RRM1: variants seen among roughly 807,000 people sequenced by gnomAD.
The protein encoded by RRM1 is ribonucleotide reductase catalytic subunit M1.
Under a neutral mutation model 101.5 loss-of-function variants are expected in RRM1, and 19 were observed. The observed-to-expected ratio is 0.19, with a 90% confidence interval of 0.13 to 0.27. The LOEUF (loss-of-function observed/expected upper bound fraction) is 0.27, where lower values mean the gene tolerates loss of function less well. RRM1 is among the 10% of genes least tolerant of loss of function. The pLI, the probability that RRM1 is intolerant of heterozygous loss-of-function variation, is 1.00. For missense variants in RRM1, 500 were observed against 962.9 expected (o/e 0.52, Z 6.36); for synonymous variants, 298 against 323.4 (o/e 0.92, Z 0.84).
chr11:4,102,432 C>T (rs748044194), intron 2 of RRM1, among the ~76,000 whole-genome samples: 17 of 151,996 alleles, frequency 1.1e-4, no homozygotes, highest in Non-Finnish European at 2.1e-4. Context: ...CTGAGGTGGG[C>T]AGATCACCTG....
At chr11:4,121,406 C>T (rs943084661) in intron 9 of RRM1, among the ~76,000 whole-genome samples, 198 bp from the exon 10 acceptor site, 15 of 152,024 alleles carry the variant, frequency 9.9e-5, no homozygotes, top group African/African-American at 1.7e-4. Context: ...ATCATTCGTT[C>T]GTTTTTACTC....
chr11:4,120,220 C>T (rs1404801430), intron 9 of RRM1, among the ~76,000 whole-genome samples: 1 of 152,154 alleles, frequency 6.6e-6, no homozygotes, highest in East Asian at 1.9e-4. Flanking sequence ...CCCCTGTCAC[C>T]CCTACCCACA....
chr11:4,121,989 C>A, intron 10 of RRM1, 152 bp from the exon 11 acceptor site: 1 of 694,300 alleles, frequency 1.4e-6, no homozygotes, highest in Non-Finnish European at 2.4e-6. Flanking sequence ...ACAGGCAGAC[C>A]TAGATGTTTG....
intron 2 of RRM1, among the ~76,000 whole-genome samples, chr11:4,103,485 A>T (rs768172671): frequency 2.0e-5 from 3 of 152,060 alleles, no homozygotes; most frequent in Non-Finnish European, 4.4e-5. Flanking sequence ...TACATGTTCT[A>T]TTGCCTCATG....
At chr11:4,099,702 T>G (rs2094548562) in intron 1 of RRM1, among the ~76,000 whole-genome samples, 1 of 152,028 alleles carries the variant, frequency 6.6e-6, no homozygotes, top group South Asian at 2.1e-4. Context: ...AAGAGGATAA[T>G]GTAGGCAGTG....
At chr11:4,103,651 G>T (rs1048135551) in intron 2 of RRM1, among the ~76,000 whole-genome samples, 1 of 152,066 alleles carries the variant, frequency 6.6e-6, no homozygotes. Context: ...GACCAGCCTG[G>T]GCAACATGGT....
chr11:4,132,825 G>GT lies in RRM1; in HGVS notation c.1905+410dup, dbSNP rs753112024. Among the ~76,000 whole-genome samples, 3 of 152,152 alleles carry GT rather than the reference G, an allele frequency of 2.0e-5. No homozygotes were observed. The highest frequency in any genetic ancestry group is 1.9e-4 in the East Asian group (1 of 5,204). On this transcript the variant is annotated intron_variant, in intron 16 of 18. Transcript: ENST00000300738. This position sits in a 1 kb window ranked among gnomAD's most constrained non-coding sequence, Gnocchi z 4.1. ...GAATTTATGGTGGGTGAGACCAGTGGTTTTTTCTTTGTTTTTAAGGTTCCC... is the reference window on the plus strand; with the variant it reads ...GAATTTATGGTGGGTGAGACCAGTGGTTTTTTTCTTTGTTTTTAAGGTTCCC...
At chr11:4,095,103 A>AGCCCGCCCGCCCGCCTTCGCT in intron 1 of RRM1, 72 bp downstream of exon 1, 1 of 1,341,266 alleles carries the variant, frequency 7.5e-7, no homozygotes, top group Non-Finnish European at 1.0e-6. Context: ...GCTGATGCCC[A>AGCCCGCCCGCCCGCCTTCGCT]GACCGCCCGC....
chr11:4,121,732 G>A lies in RRM1; in HGVS notation c.1005G>A (p.Pro335=), dbSNP rs144644370. Residue 335 remains proline (P), a synonymous_variant, in exon 10 of 19, where the codon CCG becomes CCA. Transcript: ENST00000300738. ...ATCTTTTCTTTGCTCTTTGGATTCC[G>A]GATCTCTTCATGAAACGAGTGGAGA... ...ARDLFFALWI[P]DLFMKRVETN... 2.4e-5 allele frequency: 39 copies of A among 1,612,636 alleles called. No individual in the cohort carries two copies. The highest frequency in any genetic ancestry group is 5.0e-5 in the Admixed American group (3 of 59,686).
upstream of RRM1, chr11:4,094,721 A>G: frequency 1.9e-6 from 1 of 535,212 alleles, no homozygotes; most frequent in East Asian, 3.0e-5. Context: ...TGGCGGCTAC[A>G]CGTCGCCTGT....
chr11:4,095,665 G>A (rs186709861), intron 1 of RRM1, among the ~76,000 whole-genome samples: 2 of 152,324 alleles, frequency 1.3e-5, no homozygotes, highest in East Asian at 1.9e-4. Flanking sequence ...CTGAATCAGA[G>A]AAGGGTGGCT....
At chr11:4,129,363 C>G (rs1028717638) in intron 15 of RRM1, among the ~76,000 whole-genome samples, 9 of 152,218 alleles carry the variant, frequency 5.9e-5, no homozygotes, top group African/African-American at 2.2e-4. Flanking sequence ...GAAAGCATTT[C>G]AGTACCTGGT....
At chr11:4,094,788 C>T (rs2094540542), upstream of RRM1, 2 of 591,380 alleles carry the variant, frequency 3.4e-6, no homozygotes, top group Non-Finnish European at 6.1e-6. Context: ...GTCATTCGAA[C>T]CCCGTCGCGC....
rs2094540818 is a variant in RRM1 at position 4,094,897 on chromosome 11, C to T, written c.-116C>T. 2.0e-5 allele frequency: 22 copies of T among 1,108,750 alleles called. No individual in the cohort carries two copies. The Admixed American group carries it at 4.2e-4, about 21-fold the overall frequency. 68.7% of individuals were successfully genotyped at this position (1,108,750 alleles called of 1,614,324 possible). A position where few individuals can be genotyped will look rare whatever the true frequency, so the allele number is the denominator to read the frequency against. On this transcript the variant is annotated 5_prime_UTR_variant, in exon 1 of 19. Coordinates refer to ENST00000300738, the MANE Select transcript of RRM1 (RefSeq NM_001033.5). ...TGTCTGGCTCCAACTCCAGTTCTTT[C>T]CCCTGAGCAGCGCCTGGAACCTAAC...
intron 10 of RRM1, 96 bp from the exon 11 acceptor site, chr11:4,122,045 A>G (rs2094582664): frequency 1.0e-6 from 1 of 955,564 alleles, no homozygotes; most frequent in African/African-American, 1.7e-5. Flanking sequence ...TTTCCAAGAG[A>G]GCTTGTAAAA....
chr11:4,125,956 G>A (rs186510941), intron 12 of RRM1, among the ~76,000 whole-genome samples: 125 of 152,268 alleles, frequency 8.2e-4, no homozygotes, highest in African/African-American at 3.0e-3. Flanking sequence ...ACTTTGGCTT[G>A]GGATAGTCAT....
intron 9 of RRM1, among the ~76,000 whole-genome samples, chr11:4,121,165 G>A (rs1422687174): frequency 1.3e-5 from 2 of 152,268 alleles, no homozygotes; most frequent in South Asian, 2.1e-4. Flanking sequence ...CACACTAATC[G>A]CTTGTTGGTT....
rs1199114341 is a variant in RRM1, at chr11:4,132,888, A to G, written c.1905+467A>G. Among the ~76,000 whole-genome samples, 2 of 152,176 alleles carry G rather than the reference A, an allele frequency of 1.3e-5. No individual in the cohort carries two copies. The highest frequency in any genetic ancestry group is 4.8e-5 in the African/African-American group (2 of 41,452). ...TGTGTAGCTAGGGTTGAGAACCTCA[A>G]TTTAAAAGACTATTTGTGAATTTCC... On this transcript the variant is annotated intron_variant, in intron 16 of 18. Coordinates refer to ENST00000300738, the MANE Select transcript of RRM1 (RefSeq NM_001033.5). The surrounding 1 kb of genome is among the most constrained non-coding windows in gnomAD (Gnocchi z 4.1).
rs142517111 is a variant in RRM1 at position 4,118,198 on chromosome 11, A to G, written c.651-122A>G. ...GGGTTTTCTTCTTTGAAAATCATTTAGGAACTTTCTAAACTTCAACTCTTT... is the reference window on the plus strand; with the variant it reads ...GGGTTTTCTTCTTTGAAAATCATTTGGGAACTTTCTAAACTTCAACTCTTT... On this transcript the variant is annotated intron_variant, in intron 7 of 18. Coordinates refer to ENST00000300738, the MANE Select transcript of RRM1 (RefSeq NM_001033.5). 1.1e-4 allele frequency: 102 copies of G among 950,662 alleles called. No individual in the cohort carries two copies. In the African/African-American group the frequency reaches 1.5e-3, roughly 14 times the overall value. 58.9% of individuals were successfully genotyped at this position (950,662 alleles called of 1,614,324 possible).
Sources: gnomAD v4.1 joint callset for allele counts (sites outside exome capture counted in the v4.1 genomes callset) on GRCh38, gnomAD v4.1.1 for gene constraint, Gnocchi (gnomAD v3.1) non-coding constraint, MANE v1.5 for transcripts, NCBI Gene and HGNC (gene_info 2026-07-23, HGNC 2026-07-21) for gene names.